Variants in SPI1 observed in about 807,000 individuals in gnomAD.
The protein encoded by SPI1 is Spi-1 proto-oncogene.
A neutral mutation model predicts 30.7 loss-of-function variants in SPI1; 3 were observed. The observed-to-expected ratio is 0.10, with a 90% CI of 0.04 to 0.25. SPI1 has a LOEUF of 0.25. Ranked by LOEUF, SPI1 falls within the 10% of genes least tolerant of loss-of-function variation. The pLI, the probability that SPI1 is intolerant of heterozygous loss-of-function variation, is 1.00. For synonymous variants in SPI1, 169 were observed against 157.1 expected, an observed-to-expected ratio of 1.08 and a Z score of -0.56; for missense variants, 261 against 371.5, an observed-to-expected ratio of 0.70 and a Z score of 2.45.
At chr11:47,358,743 G>A (rs944439146) in intron 4 of SPI1, 101 bp downstream of exon 4, 9 of 1,187,026 alleles carry the variant, frequency 7.6e-6, no homozygotes, top group South Asian at 2.6e-5. Context: ...ACACACACGC[G>A]ACTCGGTGGC....
In SPI1 at chr11:47,375,346, C is replaced by T. The variant is rs1217045118; in HGVS notation, c.142+287G>A. The stretch of plus-strand genomic sequence containing the variant: ...GTGACCTTGTGCAAGTCTCCTAGCA[C>T]CCTAAGCCTGTTTCCTTGTTTATAA... On this transcript the variant is annotated intron_variant, in intron 2 of 4. Transcript: ENST00000378538. The surrounding 1 kb of genome is among the most constrained non-coding windows in gnomAD (Gnocchi z 4.2). Among the ~76,000 whole-genome samples the T allele has an allele frequency of 1.3e-5, 2 of 152,208 alleles. No individual in the cohort carries two copies. The highest frequency in any genetic ancestry group is 2.4e-5 in the African/African-American group (1 of 41,434).
intron 2 of SPI1, among the ~76,000 whole-genome samples, chr11:47,370,888 G>A (rs1381830307): frequency 2.0e-5 from 3 of 152,124 alleles, no homozygotes; most frequent in Non-Finnish European, 2.9e-5. Context: ...GAGTGTGTGT[G>A]TGTGTGTGTT....
chr11:47,356,258 CCCACACGACACA>C (rs1413572810), intron 4 of SPI1, among the ~76,000 whole-genome samples: 2 of 151,200 alleles, frequency 1.3e-5, no homozygotes, highest in Admixed American at 1.3e-4. Context: ...CACACTGGCA[CCCACACGACACA>C]CCCACTCACA....
chr11:47,376,903 GCC>G (rs980219201), intron 1 of SPI1, among the ~76,000 whole-genome samples: 1 of 152,226 alleles, frequency 6.6e-6, no homozygotes, highest in Non-Finnish European at 1.5e-5. Flanking sequence ...CCTAGGGATG[GCC>G]CAAGGAGCTC....
intron 2 of SPI1, among the ~76,000 whole-genome samples, chr11:47,368,927 T>C (rs781753245): frequency 3.3e-5 from 5 of 152,204 alleles, no homozygotes; most frequent in Non-Finnish European, 7.3e-5. Flanking sequence ...AAATGGTTAA[T>C]ATTATGTGTA....
chr11:47,356,683 T>C (rs2095910261), intron 4 of SPI1, among the ~76,000 whole-genome samples: 1 of 150,684 alleles, frequency 6.6e-6, no homozygotes. Flanking sequence ...ACACCTTACA[T>C]TGCTCACCCT....
intron 2 of SPI1, among the ~76,000 whole-genome samples, chr11:47,367,163 T>C (rs1421986501): frequency 6.6e-6 from 1 of 151,636 alleles, no homozygotes; most frequent in African/African-American, 2.4e-5. Context: ...AGATGGTTAG[T>C]GCTATGAAAG....
chr11:47,357,087 TGC>T (rs1328076693), intron 4 of SPI1, among the ~76,000 whole-genome samples: 1 of 149,668 alleles, frequency 6.7e-6, no homozygotes, highest in Non-Finnish European at 1.5e-5. Context: ...ACTTCACACA[TGC>T]TAACACCTCA....
rs1464132198 is a variant in SPI1 at position 47,375,514 on chromosome 11, T to G, written c.142+119A>C. On this transcript the variant is annotated intron_variant, in intron 2 of 4. Transcript: ENST00000378538. This position sits in a 1 kb window ranked among gnomAD's most constrained non-coding sequence, Gnocchi z 4.2. ...CAGTTCACTGCCTTTGAGAGCAAAC[T>G]TGATCTGATTCTCAGAATTCCAAAG... 15 of 828,002 alleles carry G rather than the reference T, an allele frequency of 1.8e-5. No homozygotes were observed. The highest frequency in any genetic ancestry group is 3.0e-5 in the Non-Finnish European group (15 of 497,218). 51.3% of individuals were successfully genotyped at this position (828,002 alleles called of 1,614,324 possible).
intron 2 of SPI1, among the ~76,000 whole-genome samples, chr11:47,371,611 G>A (rs2095936122): frequency 6.7e-6 from 1 of 148,644 alleles, no homozygotes; most frequent in Non-Finnish European, 1.5e-5. Context: ...AGGTTGCAGT[G>A]AGCCAAGATC....
At chr11:47,361,198 C>T (rs967453784) in intron 2 of SPI1, among the ~76,000 whole-genome samples, 1 of 152,204 alleles carries the variant, frequency 6.6e-6, no homozygotes, top group Non-Finnish European at 1.5e-5. Flanking sequence ...CACAGTCTCT[C>T]TCTCTGTCTC....
intron 2 of SPI1, among the ~76,000 whole-genome samples, chr11:47,368,415 T>C (rs1467423188): frequency 1.3e-5 from 2 of 152,152 alleles, no homozygotes; most frequent in East Asian, 3.8e-4. Flanking sequence ...TACTTCTGGG[T>C]ATATATCCAA....
rs984493499 is a variant in SPI1, at chr11:47,355,398, G to C, written c.642C>G (p.Gly214=). Residue 214 remains glycine, a synonymous_variant, in exon 5 of 5, where the codon GGC becomes GGG. Transcript: ENST00000378538. The part of the protein sequence containing the change: ...KHKEALAHRW[G]IQKGNRKKMT... ...TCTTCTTGCGGTTGCCCTTCTGGAT[G>C]CCCCAGCGGTGCGCCAGCGCCTCCT... is the stretch of plus-strand genomic sequence containing the variant. 6.2e-7 allele frequency: 1 copy of C among 1,613,866 alleles called. No individual in the cohort carries two copies. The highest frequency in any genetic ancestry group is 1.3e-5 in the African/African-American group (1 of 75,048).
At chr11:47,356,855 T>C (rs912432644) in intron 4 of SPI1, among the ~76,000 whole-genome samples, 2 of 147,498 alleles carry the variant, frequency 1.4e-5, no homozygotes, top group Admixed American at 6.8e-5. Context: ...CGCACACACC[T>C]GCTCACACAC....
At chr11:47,357,367 G>A (rs1182833843) in intron 4 of SPI1, among the ~76,000 whole-genome samples, 2 of 127,692 alleles carry the variant, frequency 1.6e-5, no homozygotes, top group Non-Finnish European at 3.4e-5. Flanking sequence ...ACTTACACTT[G>A]CACCTCACAC....
intron 2 of SPI1, among the ~76,000 whole-genome samples, chr11:47,371,744 G>A (rs911890014): frequency 2.6e-5 from 4 of 151,984 alleles, no homozygotes; most frequent in African/African-American, 9.7e-5. Context: ...TCAGATCATG[G>A]TCATGTCATT....
rs2095905935 is a variant in SPI1, at chr11:47,355,078, GT to G, written c.*148del. On this transcript the variant is annotated 3_prime_UTR_variant, in exon 5 of 5. Coordinates refer to ENST00000378538, the MANE Select transcript of SPI1 (RefSeq NM_003120.3). ...AAGCGGGATGTGGAGGGGGCCTGGA[GT>G]GGGGGGAGGGGGCGGGTGAGGCGAG... The G allele has an allele frequency of 2.1e-6, 1 of 471,584 alleles. No individual in the cohort carries two copies. Among genetic ancestry groups the G allele is most frequent in the Non-Finnish European group, 3.3e-6 (1 of 302,702 alleles). The allele number at this position is 471,584 out of a possible 1,614,324, so 29.2% of individuals were successfully genotyped here. A position where few individuals can be genotyped will look rare whatever the true frequency, so the allele number is the denominator to read the frequency against.
At chr11:47,363,141 C>T (rs895617392) in intron 2 of SPI1, among the ~76,000 whole-genome samples, 8 of 152,198 alleles carry the variant, frequency 5.3e-5, no homozygotes, top group South Asian at 4.1e-4. Context: ...TGTTCACCTC[C>T]GTCTTCCCAG....
intron 2 of SPI1, among the ~76,000 whole-genome samples, chr11:47,371,321 C>G (rs368315022): frequency 7.3e-6 from 1 of 136,202 alleles, no homozygotes; most frequent in African/African-American, 2.9e-5. Flanking sequence ...CATCACACCA[C>G]TGCAATCCAG....
Sources: allele counts gnomAD v4.1 joint callset (sites outside exome capture counted in the v4.1 genomes callset), GRCh38; gene constraint gnomAD v4.1.1; non-coding constraint Gnocchi (gnomAD v3.1); transcripts MANE v1.5; gene names NCBI Gene and HGNC (gene_info 2026-07-23, HGNC 2026-07-21).